The following PEX5L variants were observed in gnomAD, a reference collection of about 807,000 sequenced individuals.
PEX5L encodes the protein peroxisomal biogenesis factor 5 like.
A neutral mutation model predicts 84.0 loss-of-function variants in PEX5L; 30 were observed. The ratio of observed to expected loss-of-function variants is 0.36; its 90% CI spans 0.27 to 0.48. PEX5L has a LOEUF of 0.48. Among genes scored for constraint, PEX5L ranks in the 20% least tolerant of loss-of-function variants. PEX5L has a pLI of 0.99. For synonymous variants in PEX5L, 270 were observed against 283.1 expected, an observed-to-expected ratio of 0.95 and a Z score of 0.46; for missense variants, 533 against 754.6, an observed-to-expected ratio of 0.71 and a Z score of 3.44.
At chr3:179,965,223 A>C (rs113171931) in intron 2 of PEX5L, among the ~76,000 whole-genome samples, 1 of 152,244 alleles carries the variant, frequency 6.6e-6, no homozygotes, top group Non-Finnish European at 1.5e-5. Flanking sequence ...AAATGTCATG[A>C]TACCACAACC....
chr3:179,903,057 TA>T (rs954451936), intron 2 of PEX5L, among the ~76,000 whole-genome samples: 10 of 152,234 alleles, frequency 6.6e-5, no homozygotes, highest in Non-Finnish European at 1.2e-4. Flanking sequence ...TGAATTTTTT[TA>T]AAAAAATTAT....
At chr3:179,891,478 C>T (rs529623108) in intron 3 of PEX5L, among the ~76,000 whole-genome samples, 4 of 152,032 alleles carry the variant, frequency 2.6e-5, no homozygotes, top group South Asian at 2.1e-4. Context: ...ATGGGAGATA[C>T]GGAAGATGAA....
intron 8 of PEX5L, among the ~76,000 whole-genome samples, chr3:179,823,011 T>G (rs1006413138): frequency 8.5e-5 from 13 of 152,210 alleles, no homozygotes; most frequent in African/African-American, 3.1e-4. Flanking sequence ...TTTGGTTAGT[T>G]GTTATGACAA....
intron 1 of PEX5L, among the ~76,000 whole-genome samples, chr3:180,012,865 CAG>C (rs1250314312): frequency 2.0e-5 from 3 of 151,646 alleles, no homozygotes; most frequent in Non-Finnish European, 2.9e-5. Context: ...CTTTGGGATG[CAG>C]AGTTAATTAA....
intron 2 of PEX5L, among the ~76,000 whole-genome samples, chr3:179,964,348 G>C (rs1278837694): frequency 1.3e-5 from 2 of 152,020 alleles, no homozygotes; most frequent in Non-Finnish European, 2.9e-5. Context: ...AAAAACCCGG[G>C]AAGATAACCT....
intron 1 of PEX5L, among the ~76,000 whole-genome samples, chr3:180,001,493 AT>A (rs5854855): frequency 8.7e-5 from 13 of 149,134 alleles, no homozygotes; most frequent in Non-Finnish European, 1.2e-4. Context: ...AAGAAAACAA[AT>A]TTTTTTTTTG....
At chr3:179,846,472 C>T (rs1223917270) in intron 8 of PEX5L, among the ~76,000 whole-genome samples, 3 of 152,204 alleles carry the variant, frequency 2.0e-5, no homozygotes, top group African/African-American at 4.8e-5. Context: ...CAACCAACCT[C>T]GTTTCATCAC....
chr3:179,949,266 G>A (rs1578845054), intron 2 of PEX5L, among the ~76,000 whole-genome samples: 1 of 152,082 alleles, frequency 6.6e-6, no homozygotes, highest in Non-Finnish European at 1.5e-5. Context: ...CCAGCATCCA[G>A]AGAAAATTAC....
At chr3:179,952,756 A>C (rs1361528175) in intron 2 of PEX5L, among the ~76,000 whole-genome samples, 4 of 152,176 alleles carry the variant, frequency 2.6e-5, no homozygotes, top group Admixed American at 6.5e-5. Context: ...AACTACTTTA[A>C]ATTTCATATG....
At chr3:179,901,419 A>G (rs1332816339) in intron 2 of PEX5L, among the ~76,000 whole-genome samples, 6 of 152,228 alleles carry the variant, frequency 3.9e-5, no homozygotes, top group Admixed American at 3.3e-4. Flanking sequence ...TAAAATATAC[A>G]CTGAATATAC....
intron 1 of PEX5L, among the ~76,000 whole-genome samples, chr3:180,020,322 G>A (rs973631735): frequency 2.2e-4 from 33 of 151,814 alleles, no homozygotes; most frequent in East Asian, 2.1e-3. Context: ...TAATTTTATC[G>A]TAAAGTTAGA....
chr3:180,012,536 T>C (rs892343214), intron 1 of PEX5L, among the ~76,000 whole-genome samples: 2 of 152,146 alleles, frequency 1.3e-5, no homozygotes, highest in Non-Finnish European at 2.9e-5. Flanking sequence ...AAGAATTATA[T>C]GATTATAGCA....
intron 9 of PEX5L, among the ~76,000 whole-genome samples, chr3:179,816,914 CTAA>C (rs1560211400): frequency 6.6e-6 from 1 of 152,008 alleles, no homozygotes; most frequent in East Asian, 1.9e-4. Context: ...GATACGACCA[CTAA>C]TATTTTTGAG....
chr3:179,885,848 G>T (rs952673069), intron 4 of PEX5L, among the ~76,000 whole-genome samples: 2 of 152,194 alleles, frequency 1.3e-5, no homozygotes, highest in African/African-American at 4.8e-5. Flanking sequence ...CTGAAAGCAT[G>T]ATTTTGGGCT....
At chr3:179,972,741 AT>A (rs1018068369) in intron 1 of PEX5L, among the ~76,000 whole-genome samples, 1 of 151,834 alleles carries the variant, frequency 6.6e-6, no homozygotes, top group Non-Finnish European at 1.5e-5. Flanking sequence ...CACAATTCTT[AT>A]TTTTTCCCCA....
intron 2 of PEX5L, chr3:179,900,820 C>A: frequency 1.2e-6 from 1 of 813,746 alleles, no homozygotes; most frequent in South Asian, 1.5e-5. Context: ...CGATAATACC[C>A]CATGAGCGTC....
At chr3:179,982,669 T>G (rs1044632904) in intron 1 of PEX5L, among the ~76,000 whole-genome samples, 2 of 152,130 alleles carry the variant, frequency 1.3e-5, no homozygotes, top group Non-Finnish European at 2.9e-5. Flanking sequence ...AAAAATGTAT[T>G]GGTAATATAC....
At chr3:179,889,986 G>A (rs907172249) in intron 3 of PEX5L, among the ~76,000 whole-genome samples, 1 of 152,140 alleles carries the variant, frequency 6.6e-6, no homozygotes, top group Non-Finnish European at 1.5e-5. Context: ...GTGATCCGGT[G>A]AGCTCATCTA....
chr3:179,827,710 G>A (rs1287762007), intron 8 of PEX5L, among the ~76,000 whole-genome samples: 1 of 152,172 alleles, frequency 6.6e-6, no homozygotes, highest in African/African-American at 2.4e-5. Context: ...TCTTTGAAGG[G>A]TTGGTAGGCC....
Sources: gnomAD v4.1 joint callset for allele counts (sites outside exome capture counted in the v4.1 genomes callset) on GRCh38, gnomAD v4.1.1 for gene constraint, MANE v1.5 for transcripts, NCBI Gene and HGNC (gene_info 2026-07-23, HGNC 2026-07-21) for gene names.